The following DIAPH2 variants were observed in gnomAD, a reference collection of about 807,000 sequenced individuals.
DIAPH2 encodes protein diaphanous homolog 2.
In DIAPH2, 35 loss-of-function variants were observed where a neutral mutation model predicts 92.7. The observed-to-expected ratio is 0.38, with a 90% CI of 0.29 to 0.50. The LOEUF is 0.50. Among genes scored for constraint, DIAPH2 ranks in the 20% least tolerant of loss-of-function variants. The probability of loss-of-function intolerance (pLI) is 0.94; values close to 1 mark genes in which losing one functional copy is unlikely to be tolerated. For missense variants in DIAPH2, 701 were observed against 819.5 expected, an observed-to-expected ratio of 0.86 and a Z score of 1.77; for synonymous variants, 301 against 280.4, an observed-to-expected ratio of 1.07 and a Z score of -0.73.
chrX:96,794,188 A>G lies in DIAPH2; in HGVS notation c.447+35930A>G, dbSNP rs1255004081. Among the ~76,000 whole-genome samples the G allele has an allele frequency of 9.0e-5, 10 of 111,125 alleles. 1 individual carries two copies. Among genetic ancestry groups the G allele is most frequent in the Admixed American group, 3.8e-4 (4 of 10,436 alleles). ...CCTTTGGGTCTCATTATGTGGCACTAATTCCATTCATGAAGGTTCCATCCT... is the reference window on the plus strand; with the variant it reads ...CCTTTGGGTCTCATTATGTGGCACTGATTCCATTCATGAAGGTTCCATCCT... On this transcript the variant is annotated intron_variant, in intron 4 of 26. Coordinates refer to ENST00000324765, the MANE Select transcript of DIAPH2 (RefSeq NM_006729.5).
rs372851316 is a variant in DIAPH2, at chrX:96,872,313, A to G, written c.448-9266A>G. Among the ~76,000 whole-genome samples, 5 of 110,392 alleles carry G rather than the reference A, an allele frequency of 4.5e-5. No individual in the cohort carries two copies. The East Asian group carries it at 1.1e-3, about 25-fold the overall frequency. ...CTACTCTCTTATCTCCATGAGTTCA[A>G]TTGTTTTAAATTTTTGCTCCCACAA... On this transcript the variant is annotated intron_variant, in intron 4 of 26. Transcript: ENST00000324765.
chrX:97,166,075 A>G (rs1017371819), intron 22 of DIAPH2, among the ~76,000 whole-genome samples: 5 of 111,024 alleles, frequency 4.5e-5, no homozygotes, highest in Non-Finnish European at 9.4e-5. Flanking sequence ...TCTTTATTTA[A>G]TCTTAAGTAA....
In DIAPH2 at chrX:97,443,054, C is replaced by T. The variant is rs144653959; in HGVS notation, c.3241+13309C>T. ...AGTAGCTGGAACTATAGGCTCACAG[C>T]ACTGTGCCTGGCTAATTTTAAATTT... On this transcript the variant is annotated intron_variant, in intron 26 of 26. Transcript: ENST00000324765. 1.4e-3 allele frequency among the ~76,000 whole-genome samples: 154 copies of T among 110,165 alleles called. 3 individuals carry two copies. The East Asian group carries it at 0.041, about 29-fold the overall frequency.
chrX:96,984,203 AGTATCTTT>A (rs1447987398), intron 17 of DIAPH2, among the ~76,000 whole-genome samples: 1 of 111,964 alleles, frequency 8.9e-6, no homozygotes, highest in East Asian at 2.8e-4. Flanking sequence ...TTTGTATTTT[AGTATCTTT>A]AGCTCAGATC....
chrX:96,787,302 G>T (rs957047615), intron 4 of DIAPH2, among the ~76,000 whole-genome samples: 1 of 111,299 alleles, frequency 9.0e-6, no homozygotes, highest in Non-Finnish European at 1.9e-5. Flanking sequence ...ATCTCAGTGG[G>T]AACCAATAAA....
At chrX:96,846,436 C>T (rs1292622422) in intron 4 of DIAPH2, among the ~76,000 whole-genome samples, 1 of 112,439 alleles carries the variant, frequency 8.9e-6, no homozygotes, top group East Asian at 2.8e-4. Context: ...GCATGAGCCA[C>T]TGCTCCTGGC....
rs544745626 is a variant in DIAPH2 at position 96,960,440 on chromosome X, T to G, written c.1935+2292T>G. On this transcript the variant is annotated intron_variant, in intron 16 of 26. Coordinates refer to ENST00000324765, the MANE Select transcript of DIAPH2 (RefSeq NM_006729.5). ...TTCAGCTATAGAAACATTAATAAAT[T>G]TTGTGTGTTGATTTTGTATCCTCCA... Among the ~76,000 whole-genome samples, 7 of 111,650 alleles carry G rather than the reference T, an allele frequency of 6.3e-5. No individual in the cohort carries two copies. In the South Asian group the frequency reaches 2.6e-3, roughly 42 times the overall value.
At chrX:96,979,781 A>G (rs1488987873) in intron 17 of DIAPH2, among the ~76,000 whole-genome samples, 1 of 112,332 alleles carries the variant, frequency 8.9e-6, no homozygotes, top group Non-Finnish European at 1.9e-5. Flanking sequence ...GTACTAACCC[A>G]TAATTATTTA....
chrX:96,772,326 A>G (rs1272731948), intron 4 of DIAPH2, among the ~76,000 whole-genome samples: 1 of 111,849 alleles, frequency 8.9e-6, no homozygotes, highest in Non-Finnish European at 1.9e-5. Flanking sequence ...TTCGTGCATC[A>G]GTTTTTCAGA....
chrX:97,152,292 A>G (rs1427899728), intron 22 of DIAPH2, among the ~76,000 whole-genome samples: 1 of 111,974 alleles, frequency 8.9e-6, no homozygotes, highest in Non-Finnish European at 1.9e-5. Flanking sequence ...ATTTCTTGAA[A>G]TTAACTGGCA....
intron 22 of DIAPH2, among the ~76,000 whole-genome samples, chrX:97,203,429 A>G (rs2147496494): frequency 9.0e-6 from 1 of 111,679 alleles, no homozygotes; most frequent in East Asian, 2.8e-4. Flanking sequence ...TGCTAGCCAG[A>G]CTAATAAAGA....
intron 23 of DIAPH2, among the ~76,000 whole-genome samples, chrX:97,266,967 C>G (rs1204089237): frequency 1.8e-5 from 2 of 111,686 alleles, no homozygotes; most frequent in African/African-American, 3.2e-5. Flanking sequence ...ACATCCTTTA[C>G]TGTGGTTAAG....
chrX:97,378,971 C>T (rs1034732596), intron 24 of DIAPH2, among the ~76,000 whole-genome samples: 3 of 111,640 alleles, frequency 2.7e-5, no homozygotes, highest in Admixed American at 9.5e-5. Flanking sequence ...TTCTAATTTA[C>T]GTAATTTTAT....
chrX:96,892,625 C>G (rs1569421940), intron 5 of DIAPH2, among the ~76,000 whole-genome samples: 1 of 111,333 alleles, frequency 9.0e-6, no homozygotes, highest in South Asian at 3.8e-4. Context: ...ATGATATTAC[C>G]TCTTAATAGA....
chrX:97,277,668 C>T (rs1225320824), intron 23 of DIAPH2, among the ~76,000 whole-genome samples: 1 of 111,562 alleles, frequency 9.0e-6, no homozygotes, highest in Non-Finnish European at 1.9e-5. Flanking sequence ...CTCCCAACAC[C>T]CCTTCCTACT....
At chrX:97,185,423 GTA>G (rs1276477107) in intron 22 of DIAPH2, among the ~76,000 whole-genome samples, 1,306 of 24,250 alleles carry the variant, frequency 0.054, 67 homozygotes, top group East Asian at 0.091. Context: ...ATATATATAT[GTA>G]TATATATATG....
intron 25 of DIAPH2, among the ~76,000 whole-genome samples, chrX:97,421,461 G>A (rs977495618): frequency 2.7e-5 from 3 of 111,490 alleles, no homozygotes; most frequent in Non-Finnish European, 3.8e-5. Context: ...GATAGATACC[G>A]TGAAAAAGAT....
intron 17 of DIAPH2, among the ~76,000 whole-genome samples, chrX:96,982,850 C>T (rs191864876): frequency 0.026 from 2,905 of 111,787 alleles, 107 homozygotes; most frequent in African/African-American, 0.089. Context: ...TTAACATTTT[C>T]GTAATCCATT....
intron 17 of DIAPH2, among the ~76,000 whole-genome samples, chrX:97,014,953 G>A (rs5921165): frequency 0.036 from 4,057 of 111,792 alleles, 89 homozygotes; most frequent in Middle Eastern, 0.084. Context: ...AGTATATAGA[G>A]TTAAAACATG....
Sources: gnomAD v4.1 joint callset for allele counts (sites outside exome capture counted in the v4.1 genomes callset) on GRCh38, gnomAD v4.1.1 for gene constraint, MANE v1.5 for transcripts, NCBI Gene and HGNC (gene_info 2026-07-23, HGNC 2026-07-21) for gene names.